CNTN4: variants seen among roughly 807,000 people sequenced by gnomAD.
CNTN4 encodes contactin 4.
CNTN4 carries 77 observed loss-of-function variants against 122.5 expected under a neutral mutation model. The observed-to-expected ratio is 0.63, with a 90% CI of 0.52 to 0.76. CNTN4 has a LOEUF of 0.76. Among genes scored for constraint, CNTN4 ranks in the 30% least tolerant of loss-of-function variants. The pLI, the probability that CNTN4 is intolerant of heterozygous loss-of-function variation, is 0.00. For synonymous variants in CNTN4, 512 were observed against 447.0 expected (o/e 1.15, Z -1.83); for missense variants, 1,256 against 1,259.1 (o/e 1.00, Z 0.04).
intron 2 of CNTN4, among the ~76,000 whole-genome samples, chr3:2,144,722 G>A (rs920779475): frequency 6.6e-6 from 1 of 152,100 alleles, no homozygotes; most frequent in Admixed American, 6.6e-5. Context: ...ATAAACCAGT[G>A]CCCAGCACAT....
At chr3:2,352,073 T>C (rs2044648392) in intron 3 of CNTN4, among the ~76,000 whole-genome samples, 1 of 152,214 alleles carries the variant, frequency 6.6e-6, no homozygotes, top group Non-Finnish European at 1.5e-5. Flanking sequence ...GTGTATACAA[T>C]TATGATTTAT....
intron 7 of CNTN4, among the ~76,000 whole-genome samples, chr3:2,852,528 T>C (rs1261583474): frequency 6.6e-6 from 1 of 152,176 alleles, no homozygotes; most frequent in Non-Finnish European, 1.5e-5. Flanking sequence ...ATTTATTGAG[T>C]GCTACCATGT....
intron 2 of CNTN4, among the ~76,000 whole-genome samples, chr3:2,204,206 T>C (rs58627118): frequency 0.012 from 1,864 of 152,266 alleles, 37 homozygotes; most frequent in African/African-American, 0.043. Context: ...TTATACACTT[T>C]AATAAATAGG....
chr3:2,347,593 A>G (rs2044450520), intron 3 of CNTN4, among the ~76,000 whole-genome samples: 1 of 151,918 alleles, frequency 6.6e-6, no homozygotes, highest in South Asian at 2.1e-4. Flanking sequence ...TATTTCTAGT[A>G]GAGACAGGGT....
intron 3 of CNTN4, among the ~76,000 whole-genome samples, chr3:2,470,507 T>A (rs1253358613): frequency 1.3e-5 from 2 of 152,220 alleles, no homozygotes; most frequent in African/African-American, 4.8e-5. Flanking sequence ...TCTTGTGCAT[T>A]CTGGAGCAAG....
At chr3:2,511,485 G>T (rs1255244236) in intron 3 of CNTN4, 1 of 152,240 alleles carries the variant, frequency 6.6e-6, no homozygotes, top group Non-Finnish European at 1.5e-5. Flanking sequence ...TGCTGGCGGA[G>T]AGCCATGCAG....
At chr3:2,804,059 A>ATATG (rs1491186560) in intron 6 of CNTN4, among the ~76,000 whole-genome samples, 18 of 74,852 alleles carry the variant, frequency 2.4e-4, no homozygotes, top group African/African-American at 8.5e-4. Context: ...ATATATATAT[A>ATATG]TGTCTGCACA....
chr3:2,886,760 C>T (rs1199004873), intron 9 of CNTN4, among the ~76,000 whole-genome samples: 3 of 151,996 alleles, frequency 2.0e-5, no homozygotes, highest in Non-Finnish European at 4.4e-5. Context: ...GTGATCTGTC[C>T]GCCTCGGCCT....
rs1330472995 is a variant in CNTN4, at chr3:2,896,890, G to A, written c.941-3795G>A. ...ATTGTGTCCGCAACCAGAAATAACT[G>A]TGAATGTCTACAGGTCATCTTTGTA... On this transcript the variant is annotated intron_variant, in intron 10 of 24. Coordinates refer to ENST00000418658, the MANE Select transcript of CNTN4 (RefSeq NM_175607.3). Among the ~76,000 whole-genome samples, 4 of 147,828 alleles carry A rather than the reference G, an allele frequency of 2.7e-5. No individual in the cohort carries two copies. In the East Asian group the frequency reaches 6.0e-4, roughly 22 times the overall value.
At chr3:2,228,380 A>G (rs1238939968) in intron 2 of CNTN4, among the ~76,000 whole-genome samples, 1 of 152,176 alleles carries the variant, frequency 6.6e-6, no homozygotes, top group Admixed American at 6.5e-5. Flanking sequence ...TTATTGGGAC[A>G]CAGTCTCACT....
In CNTN4 at chr3:2,937,155, A is replaced by G. The variant is rs559331750; in HGVS notation, c.1358+11376A>G. Among the ~76,000 whole-genome samples, 106 of 152,148 alleles carry G rather than the reference A, an allele frequency of 7.0e-4. 2 individuals are homozygous for G. Among genetic ancestry groups the G allele is most frequent in the Admixed American group, 4.4e-3 (68 of 15,292 alleles). ...TTGTTTTTGGTTTGCTGTGCCTTTT[A>G]TTTGTTCTTTGTGACTTACACTTTT... On this transcript the variant is annotated intron_variant, in intron 13 of 24. Transcript: ENST00000418658.
chr3:2,650,087 A>G (rs900131937), intron 4 of CNTN4, among the ~76,000 whole-genome samples: 2 of 147,736 alleles, frequency 1.4e-5, no homozygotes, highest in East Asian at 1.9e-4. Flanking sequence ...ATATATATAT[A>G]TATATAAAAG....
chr3:2,168,941 G>C (rs902427747), intron 2 of CNTN4, among the ~76,000 whole-genome samples: 5 of 152,120 alleles, frequency 3.3e-5, no homozygotes, highest in Admixed American at 2.6e-4. Flanking sequence ...CCTCAGTTCT[G>C]CAAAATACAC....
chr3:2,797,457 G>A (rs953647836), intron 6 of CNTN4, among the ~76,000 whole-genome samples: 104 of 152,302 alleles, frequency 6.8e-4, no homozygotes, highest in African/African-American at 2.4e-3. Flanking sequence ...GATTAGCCAG[G>A]TGTGGTGGTG....
chr3:2,373,041 T>A lies in CNTN4; in HGVS notation c.-89+33808T>A, dbSNP rs368945547. ...CATCCTGGGCAACACAGTAAGACTC[T>A]GTCTCAAAAATCATAATAAAATAAG... is the stretch of plus-strand genomic sequence containing the variant. On this transcript the variant is annotated intron_variant, in intron 3 of 24. Coordinates refer to ENST00000418658, the MANE Select transcript of CNTN4 (RefSeq NM_175607.3). Among the ~76,000 whole-genome samples the A allele has an allele frequency of 7.2e-5, 11 of 152,294 alleles. No homozygotes were observed. The East Asian group carries it at 2.1e-3, about 29-fold the overall frequency.
chr3:2,801,192 A>G (rs955315935), intron 6 of CNTN4, among the ~76,000 whole-genome samples: 3 of 152,222 alleles, frequency 2.0e-5, no homozygotes, highest in Non-Finnish European at 2.9e-5. Context: ...CTTTATGAAC[A>G]TATGTTAAGA....
chr3:3,031,819 A>G (rs1699190175), intron 16 of CNTN4, among the ~76,000 whole-genome samples: 1 of 152,316 alleles, frequency 6.6e-6, no homozygotes, highest in Non-Finnish European at 1.5e-5. Context: ...CTTCATCAGA[A>G]TCCCTGACTG....
intron 2 of CNTN4, among the ~76,000 whole-genome samples, chr3:2,260,736 T>TTG (rs1355110998): frequency 2.7e-5 from 4 of 150,812 alleles, no homozygotes; most frequent in Admixed American, 6.6e-5. Context: ...TTATTTATTT[T>TTG]TTTTTTGAGA....
chr3:2,430,412 ACT>A (rs1438346162), intron 3 of CNTN4, among the ~76,000 whole-genome samples: 1 of 138,618 alleles, frequency 7.2e-6, no homozygotes, highest in Non-Finnish European at 1.5e-5. Flanking sequence ...ACAGAGCAAG[ACT>A]CTTGTCTCAA....
Sources: allele counts gnomAD v4.1 joint callset (sites outside exome capture counted in the v4.1 genomes callset), GRCh38; gene constraint gnomAD v4.1.1; transcripts MANE v1.5; gene names NCBI Gene and HGNC (gene_info 2026-07-23, HGNC 2026-07-21).